The following SUMF1 variants were observed in gnomAD, a reference collection of about 807,000 sequenced individuals.
The protein encoded by SUMF1 is sulfatase modifying factor 1.
In SUMF1, 48 loss-of-function variants were observed where a neutral mutation model predicts 47.6. That is an observed-to-expected ratio of 1.01 (90% confidence interval 0.80 to 1.28). The LOEUF (loss-of-function observed/expected upper bound fraction) is 1.28. Ranked by LOEUF, SUMF1 falls within the 50% of genes most tolerant of loss-of-function variation. The probability of loss-of-function intolerance (pLI) is 0.00; values close to 1 mark genes in which losing one functional copy is unlikely to be tolerated. For missense variants in SUMF1, 571 were observed against 485.4 expected, an observed-to-expected ratio of 1.18 and a Z score of -1.66; for synonymous variants, 230 against 192.1, an observed-to-expected ratio of 1.20 and a Z score of -1.63.
chr3:4,223,412 G>C (rs2125177042), intron 8 of SUMF1, among the ~76,000 whole-genome samples: 1 of 152,236 alleles, frequency 6.6e-6, no homozygotes, highest in East Asian at 1.9e-4. Context: ...GTTACCTTAA[G>C]ACTTAAACAA....
intron 8 of SUMF1, among the ~76,000 whole-genome samples, chr3:4,187,886 G>T (rs920369040): frequency 6.6e-6 from 1 of 152,216 alleles, no homozygotes; most frequent in African/African-American, 2.4e-5. Context: ...CATACACCCG[G>T]ACCTTAACAT....
At chr3:4,163,969 C>A (rs978160121) in intron 8 of SUMF1, among the ~76,000 whole-genome samples, 2 of 152,128 alleles carry the variant, frequency 1.3e-5, no homozygotes, top group Non-Finnish European at 2.9e-5. Flanking sequence ...AACAGAAAGT[C>A]AGCAAAACTG....
intron 8 of SUMF1, among the ~76,000 whole-genome samples, chr3:4,070,620 T>C (rs1227630718): frequency 5.3e-5 from 8 of 152,156 alleles, no homozygotes; most frequent in Non-Finnish European, 1.2e-4. Flanking sequence ...TTTATTTTCC[T>C]TTCAGTCCTT....
intron 8 of SUMF1, among the ~76,000 whole-genome samples, chr3:4,236,180 T>C (rs146066017): frequency 6.6e-6 from 1 of 152,096 alleles, no homozygotes; most frequent in African/African-American, 2.4e-5. Flanking sequence ...AAGTGATCCT[T>C]CCACCTAGAT....
At chr3:4,047,173 T>C (rs935503265) in intron 9 of SUMF1, among the ~76,000 whole-genome samples, 6 of 152,162 alleles carry the variant, frequency 3.9e-5, no homozygotes, top group Non-Finnish European at 8.8e-5. Context: ...GAGACATCCT[T>C]TGACTACCAT....
intron 9 of SUMF1, among the ~76,000 whole-genome samples, chr3:4,038,875 G>T (rs775510813): frequency 5.9e-5 from 9 of 152,122 alleles, no homozygotes; most frequent in Non-Finnish European, 1.0e-4. Context: ...GAGTTCAGGG[G>T]TTGCGATATT....
chr3:4,445,597 G>C (rs149186165), intron 3 of SUMF1, among the ~76,000 whole-genome samples: 1 of 151,974 alleles, frequency 6.6e-6, no homozygotes, highest in African/African-American at 2.4e-5. Flanking sequence ...ATCCTGCTTC[G>C]GCTTCCCAAA....
rs114792863 is a variant in SUMF1 at position 4,418,533 on chromosome 3, C to A, written c.603-401G>T. On this transcript the variant is annotated intron_variant, in intron 4 of 8. Coordinates refer to ENST00000272902, the MANE Select transcript of SUMF1 (RefSeq NM_182760.4). ...ACTAACCAACCACAGCAGGGGCATA[C>A]AGAGCCAGCCATTTCAGCCTACAGT... Among the ~76,000 whole-genome samples, 280 of 152,360 alleles carry A rather than the reference C, an allele frequency of 1.8e-3. 2 individuals carry two copies. Among genetic ancestry groups the A allele is most frequent in the African/African-American group, 6.5e-3 (271 of 41,582 alleles).
At chr3:4,370,234 T>A (rs1015526650) in intron 8 of SUMF1, among the ~76,000 whole-genome samples, 6 of 152,174 alleles carry the variant, frequency 3.9e-5, no homozygotes, top group Non-Finnish European at 8.8e-5. Flanking sequence ...GAGTAATGAC[T>A]GGCACAAAGG....
rs1701925953 is a variant in SUMF1 at position 4,422,362 on chromosome 3, A to T, written c.520-2216T>A. Among the ~76,000 whole-genome samples the T allele has an allele frequency of 3.3e-5, 5 of 152,308 alleles. No homozygotes were observed. In the South Asian group the frequency reaches 1.0e-3, roughly 32 times the overall value. On this transcript the variant is annotated intron_variant, in intron 3 of 8. Transcript: ENST00000272902. ...CTAAGCACCACCACCAGAAGGTTCT[A>T]GTTCTTAAATTAAAAAATAAAAATA... is the stretch of plus-strand genomic sequence containing the variant.
At chr3:4,353,423 T>G (rs1454347871) in intron 8 of SUMF1, among the ~76,000 whole-genome samples, 1 of 152,126 alleles carries the variant, frequency 6.6e-6, no homozygotes, top group Admixed American at 6.5e-5. Context: ...CGGCTAATTT[T>G]TTGTATTTTT....
At chr3:4,174,539 T>C (rs187475118) in intron 8 of SUMF1, among the ~76,000 whole-genome samples, 1 of 99,240 alleles carries the variant, frequency 1.0e-5, no homozygotes, top group African/African-American at 3.5e-5. Flanking sequence ...CCCCCATCTC[T>C]ACTAAAAACA....
chr3:4,080,771 G>A (rs1692542786), intron 8 of SUMF1, among the ~76,000 whole-genome samples: 1 of 152,070 alleles, frequency 6.6e-6, no homozygotes, highest in Admixed American at 6.6e-5. Flanking sequence ...TTAGCTCAGG[G>A]ATTAGAGCAC....
chr3:4,163,363 A>AAAGG lies in SUMF1; in HGVS notation c.1015-94622_1015-94619dup, dbSNP rs1559525206. On this transcript the variant is annotated intron_variant and NMD_transcript_variant, in intron 8 of 12. Transcript: ENST00000448413. ...GAGAGAGAGAGACAGAGAGAGAGAGAAAGGAAGGAAGGAAGGAAGGGAGGG... is the reference window on the plus strand; with the variant it reads ...GAGAGAGAGAGACAGAGAGAGAGAGAAAGGAAGGAAGGAAGGAAGGAAGGGAGGG... Among the ~76,000 whole-genome samples the AAAGG allele has an allele frequency of 3.5e-4, 11 of 31,576 alleles. 1 individual carries two copies. Among genetic ancestry groups the AAAGG allele is most frequent in the East Asian group, 1.2e-3 (1 of 802 alleles). 20.7% of individuals were successfully genotyped at this position (31,576 alleles called of 152,430 possible). A position where few individuals can be genotyped will look rare whatever the true frequency, so the allele number is the denominator to read the frequency against.
At chr3:4,138,784 T>C (rs1339101582) in intron 8 of SUMF1, among the ~76,000 whole-genome samples, 1 of 152,082 alleles carries the variant, frequency 6.6e-6, no homozygotes, top group Non-Finnish European at 1.5e-5. Context: ...ATTATGGTTA[T>C]AGCGAGTATA....
At chr3:4,038,599 T>C (rs1180980575) in intron 9 of SUMF1, among the ~76,000 whole-genome samples, 1 of 152,280 alleles carries the variant, frequency 6.6e-6, no homozygotes, top group African/African-American at 2.4e-5. Context: ...CTCCACTTGC[T>C]GGGGAGCAAA....
At chr3:4,462,447 C>T (rs1263699664) in intron 1 of SUMF1, among the ~76,000 whole-genome samples, 1 of 152,174 alleles carries the variant, frequency 6.6e-6, no homozygotes, top group Non-Finnish European at 1.5e-5. Flanking sequence ...GGCCCTGTAT[C>T]CAGGTGTGTC....
chr3:4,045,183 G>C (rs1442814892), intron 9 of SUMF1, among the ~76,000 whole-genome samples: 1 of 151,984 alleles, frequency 6.6e-6, no homozygotes, highest in African/African-American at 2.4e-5. Context: ...AATCTGGGTG[G>C]GTCTAGTTCA....
chr3:4,151,895 T>C (rs761167813), intron 8 of SUMF1, among the ~76,000 whole-genome samples: 1 of 151,444 alleles, frequency 6.6e-6, no homozygotes, highest in African/African-American at 2.5e-5. Flanking sequence ...CATGTAAGCA[T>C]GGTAAATAGC....
Sources: allele counts gnomAD v4.1 joint callset (sites outside exome capture counted in the v4.1 genomes callset), GRCh38; gene constraint gnomAD v4.1.1; transcripts MANE v1.5; gene names NCBI Gene and HGNC (gene_info 2026-07-23, HGNC 2026-07-21).